The following TRIP4 variants were observed in gnomAD, a reference collection of about 807,000 sequenced individuals.
The protein encoded by TRIP4 is thyroid hormone receptor interactor 4.
A neutral mutation model predicts 81.8 loss-of-function variants in TRIP4; 54 were observed. The ratio of observed to expected loss-of-function variants is 0.66; its 90% CI spans 0.53 to 0.83. The LOEUF (loss-of-function observed/expected upper bound fraction) is 0.83, where lower values mean the gene tolerates loss of function less well. TRIP4 is among the 40% of genes least tolerant of loss of function. TRIP4 has a pLI of 0.00. For synonymous variants in TRIP4, 270 were observed against 242.8 expected (o/e 1.11, Z -1.04); for missense variants, 662 against 683.6 (o/e 0.97, Z 0.35).
rs201373158 is a variant in TRIP4 at position 64,397,766 on chromosome 15, G to T, written c.566G>T (p.Arg189Leu). 1.9e-6 allele frequency: 3 copies of T among 1,614,122 alleles called. No individual in the cohort carries two copies. The highest frequency in any genetic ancestry group is 2.5e-6 in the Non-Finnish European group (3 of 1,180,058). ...ATCAATAACTGTCTGATCTGTGGGC[G>T]CATTGTCTGTGAACAAGAAGGCTCA... is the stretch of plus-strand genomic sequence containing the variant. ...KLINNCLICG[R>L]IVCEQEGSGP... The change falls in exon 4 of 13, where the codon CGC (arginine) becomes CTC (leucine). Residue 189 changes from arginine to leucine, a missense_variant. Physicochemically the swap from Arg to Leu is moderately radical, Grantham distance 102. Coordinates refer to ENST00000261884, the MANE Select transcript of TRIP4 (RefSeq NM_016213.5).
Position 64,392,599 on chromosome 15 carries a change from C to T in TRIP4, c.102-1347C>T, listed in dbSNP as rs141985811. On this transcript the variant is annotated intron_variant, in intron 1 of 12. Coordinates refer to ENST00000261884, the MANE Select transcript of TRIP4 (RefSeq NM_016213.5). ...CCACCCGCCTCAGCCTCCCAAAGTG[C>T]TGGGAGCCATCATGCCCCACCGTTT... 2.8e-3 allele frequency among the ~76,000 whole-genome samples: 433 copies of T among 152,000 alleles called. 1 individual carries two copies. Among genetic ancestry groups the T allele is most frequent in the African/African-American group, 0.01 (415 of 41,468 alleles).
chr15:64,429,492 C>A (rs2140303715), intron 11 of TRIP4, among the ~76,000 whole-genome samples: 1 of 152,086 alleles, frequency 6.6e-6, no homozygotes, highest in African/African-American at 2.4e-5. Context: ...TTGGGAAATA[C>A]CTTTGGATTA....
intron 7 of TRIP4, among the ~76,000 whole-genome samples, chr15:64,410,676 T>A (rs1226574337): frequency 1.3e-5 from 2 of 152,076 alleles, no homozygotes; most frequent in Non-Finnish European, 2.9e-5. Flanking sequence ...ATAGTCTTGG[T>A]GTGATAAAGC....
intron 12 of TRIP4, among the ~76,000 whole-genome samples, chr15:64,449,290 G>T (rs867632466): frequency 8.8e-4 from 121 of 137,576 alleles, no homozygotes; most frequent in African/African-American, 1.9e-3. Flanking sequence ...GTTTGTTTTT[G>T]TTTTTTTTTT....
chr15:64,453,842 CAGTCTTACT>C (rs1892824737), intron 12 of TRIP4, among the ~76,000 whole-genome samples: 1 of 152,188 alleles, frequency 6.6e-6, no homozygotes, highest in Admixed American at 6.5e-5. Flanking sequence ...ATTTTTCTCA[CAGTCTTACT>C]GTGCCATGGT....
intron 6 of TRIP4, among the ~76,000 whole-genome samples, chr15:64,407,548 T>C (rs1294089141): frequency 6.6e-6 from 1 of 151,930 alleles, no homozygotes; most frequent in Non-Finnish European, 1.5e-5. Flanking sequence ...GTGCCTGTAG[T>C]CCCAGGTACT....
In TRIP4 at chr15:64,409,687, T is replaced by G; in HGVS notation, c.902T>G (p.Leu301Arg). Reference protein sequence around the residue: ...ASDSNQWLSKLERETLQKREE... With the variant: ...ASDSNQWLSKRERETLQKREE... ...GATTCTAACCAATGGTTGTCCAAAC[T>G]TGAGCGGGAAACCTTGCAGAAGCGA... The change falls in exon 7 of 13, where the codon CTT becomes CGT. Residue 301 changes from leucine (L) to arginine (R), a missense_variant. By Grantham distance (102) the Leu-to-Arg change is moderately radical. Transcript: ENST00000261884. 6.2e-7 allele frequency: 1 copy of G among 1,614,154 alleles called. No homozygotes were observed. The highest frequency in any genetic ancestry group is 8.5e-7 in the Non-Finnish European group (1 of 1,180,032).
chr15:64,444,868 T>C, intron 11 of TRIP4, 138 bp from the exon 12 acceptor site: 1 of 575,438 alleles, frequency 1.7e-6, no homozygotes, highest in Admixed American at 3.3e-5. Context: ...TCTTGCTTGT[T>C]GAGCATAATC....
chr15:64,440,442 A>T (rs1892492601), intron 11 of TRIP4, among the ~76,000 whole-genome samples: 1 of 122,680 alleles, frequency 8.2e-6, no homozygotes. Context: ...GGCCCTGGTT[A>T]TGGGGATTGT....
chr15:64,436,993 C>T (rs1892416896), intron 11 of TRIP4, among the ~76,000 whole-genome samples: 1 of 151,454 alleles, frequency 6.6e-6, no homozygotes, highest in Non-Finnish European at 1.5e-5. Context: ...AGGCATGAGC[C>T]TCCAGGCCTG....
intron 5 of TRIP4, among the ~76,000 whole-genome samples, chr15:64,402,168 T>C (rs1446124937): frequency 6.6e-6 from 1 of 152,120 alleles, no homozygotes; most frequent in Non-Finnish European, 1.5e-5. Flanking sequence ...ACTTATTTTC[T>C]AATTATTTTG....
In TRIP4 at chr15:64,424,900, C is replaced by T. The variant is rs138019357; in HGVS notation, c.1484-640C>T. 2.2e-3 allele frequency among the ~76,000 whole-genome samples: 329 copies of T among 152,204 alleles called. 1 individual carries two copies. The highest frequency in any genetic ancestry group is 2.8e-3 in the Admixed American group (43 of 15,290). ...AAGTGATTCTCCTGCCTCAGCCTTC[C>T]GAGTAGCTGGGACCACAGGCGCATG... On this transcript the variant is annotated intron_variant, in intron 10 of 12. Coordinates refer to ENST00000261884, the MANE Select transcript of TRIP4 (RefSeq NM_016213.5).
At chr15:64,390,736 C>CA (rs1372490208) in intron 1 of TRIP4, among the ~76,000 whole-genome samples, 5 of 150,246 alleles carry the variant, frequency 3.3e-5, no homozygotes, top group South Asian at 2.1e-4. Flanking sequence ...ACTAAAAATA[C>CA]AAAAAAAAAT....
chr15:64,405,000 G>T (rs951431197), intron 5 of TRIP4, among the ~76,000 whole-genome samples: 2 of 151,256 alleles, frequency 1.3e-5, no homozygotes, highest in African/African-American at 4.9e-5. Flanking sequence ...AACCCATTTT[G>T]GATCTTGGGT....
chr15:64,409,258 A>C (rs1203473661), intron 6 of TRIP4, among the ~76,000 whole-genome samples: 1 of 152,180 alleles, frequency 6.6e-6, no homozygotes, highest in Non-Finnish European at 1.5e-5. Context: ...CCAGTAAGCA[A>C]ATAAGCCTAG....
intron 1 of TRIP4, among the ~76,000 whole-genome samples, chr15:64,391,276 C>T (rs1283700295): frequency 6.6e-6 from 1 of 151,962 alleles, no homozygotes; most frequent in Non-Finnish European, 1.5e-5. Context: ...CCTGCCTCAG[C>T]CTCCCCAGTA....
intron 5 of TRIP4, among the ~76,000 whole-genome samples, chr15:64,402,546 G>A (rs1320251361): frequency 2.1e-5 from 3 of 144,372 alleles, no homozygotes; most frequent in East Asian, 2.1e-4. Context: ...TTTCTGAGAC[G>A]GAGTTTTGCT....
intron 11 of TRIP4, among the ~76,000 whole-genome samples, chr15:64,433,248 AGTT>A (rs1425646799): frequency 3.3e-5 from 5 of 152,270 alleles, no homozygotes; most frequent in Non-Finnish European, 7.4e-5. Context: ...CTTTTTGATC[AGTT>A]ATTATGTGCC....
intron 8 of TRIP4, 93 bp from the exon 9 acceptor site, chr15:64,418,448 G>A (rs1409672822): frequency 7.6e-7 from 1 of 1,321,280 alleles, no homozygotes; most frequent in African/African-American, 1.5e-5. Context: ...TTCCCAATAT[G>A]ATTTCCTCAT....
Sources: gnomAD v4.1 joint callset for allele counts (sites outside exome capture counted in the v4.1 genomes callset) on GRCh38, gnomAD v4.1.1 for gene constraint, MANE v1.5 for transcripts, NCBI Gene and HGNC (gene_info 2026-07-23, HGNC 2026-07-21) for gene names.